The following EPS15 variants were observed in gnomAD, a reference collection of about 807,000 sequenced individuals.
EPS15 encodes epidermal growth factor receptor substrate 15.
EPS15 carries 72 observed loss-of-function variants against 113.8 expected under a neutral mutation model. The observed-to-expected ratio is 0.63, with a 90% CI of 0.52 to 0.77. The LOEUF (loss-of-function observed/expected upper bound fraction) is 0.77, where lower values mean the gene tolerates loss of function less well. EPS15 is among the 30% of genes least tolerant of loss of function. EPS15 has a pLI of 0.00. For missense variants in EPS15, 1,048 were observed against 1,045.8 expected (o/e 1.00, Z -0.03); for synonymous variants, 344 against 363.4 (o/e 0.95, Z 0.61).
chr1:51,389,009 C>T lies in EPS15; in HGVS notation c.2119+5372G>A, dbSNP rs141741261. Among the ~76,000 whole-genome samples the T allele has an allele frequency of 7.1e-3, 1,080 of 152,256 alleles. 7 individuals carry two copies. Among genetic ancestry groups the T allele is most frequent in the African/African-American group, 0.025 (1,037 of 41,540 alleles). ...CTGATACCAAAGCCAGGCAGAGATG[C>T]AACCAAAAAAGAGAATTTTAGACCA... On this transcript the variant is annotated intron_variant, in intron 21 of 24. Transcript: ENST00000371733.
In EPS15 at chr1:51,409,621, G is replaced by GTTC. The variant is rs1491328029; in HGVS notation, c.1186_1188dup (p.Glu396dup). The GTTC allele has an allele frequency of 1.2e-6, 2 of 1,613,742 alleles. No individual in the cohort carries two copies. Reference sequence around the variant, plus strand: ...TTCTGCTCATCCAGTTCATCAAGGAGTTCCTGTACCTGCTGTTTCTGGGCC... The same window carrying GTTC: ...TTCTGCTCATCCAGTTCATCAAGGAGTTCTTCCTGTACCTGCTGTTTCTGGGCC... On this transcript the variant is annotated inframe_insertion, in exon 14 of 25. Coordinates refer to ENST00000371733, the MANE Select transcript of EPS15 (RefSeq NM_001981.3).
intron 2 of EPS15, among the ~76,000 whole-genome samples, chr1:51,475,332 CTCTAACA>C (rs202173921): frequency 0.015 from 2,321 of 152,112 alleles, 17 homozygotes; most frequent in Middle Eastern, 0.024. Context: ...TCCACATCCT[CTCTAACA>C]TCTGTTTCCT....
intron 1 of EPS15, among the ~76,000 whole-genome samples, chr1:51,488,613 G>A (rs1247706996): frequency 6.6e-6 from 1 of 151,788 alleles, no homozygotes; most frequent in East Asian, 1.9e-4. Flanking sequence ...TTGGTTTTGA[G>A]ACAGGATCCC....
chr1:51,366,534 T>A (rs1570092985), intron 21 of EPS15, among the ~76,000 whole-genome samples: 1 of 152,170 alleles, frequency 6.6e-6, no homozygotes, highest in Non-Finnish European at 1.5e-5. Context: ...TGATGAATGA[T>A]TTATAGGTAA....
chr1:51,377,997 G>C (rs1646843610), intron 21 of EPS15, among the ~76,000 whole-genome samples: 1 of 150,964 alleles, frequency 6.6e-6, no homozygotes, highest in South Asian at 2.1e-4. Context: ...CTGGGTTCAA[G>C]CAATTCTCCT....
intron 13 of EPS15, among the ~76,000 whole-genome samples, chr1:51,421,253 A>C (rs1025948826): frequency 6.6e-6 from 1 of 152,172 alleles, no homozygotes; most frequent in Non-Finnish European, 1.5e-5. Context: ...TCTTTATGCC[A>C]AAGTTTAAGA....
At chr1:51,480,667 C>G (rs1644004521) in intron 2 of EPS15, among the ~76,000 whole-genome samples, 1 of 152,162 alleles carries the variant, frequency 6.6e-6, no homozygotes. Flanking sequence ...GCATGCACCA[C>G]CAAACCCAGC....
intron 1 of EPS15, among the ~76,000 whole-genome samples, chr1:51,508,312 AAGAG>A (rs759801299): frequency 0.027 from 3,386 of 126,552 alleles, 78 homozygotes; most frequent in Non-Finnish European, 0.037. Flanking sequence ...GAAAGAGAGA[AAGAG>A]AGAAAGAGAG....
chr1:51,409,166 C>T (rs1649442964), intron 14 of EPS15, among the ~76,000 whole-genome samples: 2 of 152,126 alleles, frequency 1.3e-5, no homozygotes, highest in Admixed American at 1.3e-4. Context: ...AGCAATTCCC[C>T]CCGCCTCAGA....
chr1:51,384,548 G>C (rs1202265667), intron 21 of EPS15, among the ~76,000 whole-genome samples: 1 of 151,748 alleles, frequency 6.6e-6, no homozygotes, highest in Admixed American at 6.6e-5. Flanking sequence ...TCATTGGCCA[G>C]GCTGGTCTTG....
intron 23 of EPS15, 22 bp downstream of exon 23, chr1:51,363,844 A>T: frequency 6.3e-7 from 1 of 1,592,624 alleles, no homozygotes; most frequent in Non-Finnish European, 8.5e-7. Context: ...AGTTGACTGA[A>T]GAAAAGTACC....
At chr1:51,361,038 G>T in intron 24 of EPS15, 133 bp downstream of exon 24, 1 of 685,194 alleles carries the variant, frequency 1.5e-6, no homozygotes, top group East Asian at 2.7e-5. Context: ...GTTTTGCTTG[G>T]GGGAAGAATG....
At position 51,361,272 on chromosome 1, in the gene EPS15, G is replaced by A; in HGVS notation, c.2443C>T (p.Pro815Ser). 6.2e-7 allele frequency: 1 copy of A among 1,613,670 alleles called. No individual in the cohort carries two copies. Among genetic ancestry groups the A allele is most frequent in the Non-Finnish European group, 8.5e-7 (1 of 1,179,644 alleles). ...PFQPFPGNDS[P>S]KEKDPEIFCD... ...AATATTTCAGGATCTTTTTCTTTGG[G>A]GCTATCGTTGCCTGGGAAAGGCTGA... Residue 815 changes from proline to serine, a missense_variant, in exon 24 of 25, where the codon CCC becomes TCC. Coordinates refer to ENST00000371733, the MANE Select transcript of EPS15 (RefSeq NM_001981.3).
chr1:51,439,593 T>C (rs1401279316), intron 12 of EPS15, among the ~76,000 whole-genome samples: 1 of 152,080 alleles, frequency 6.6e-6, no homozygotes, highest in African/African-American at 2.4e-5. Flanking sequence ...AGTATTACTA[T>C]AAAGTTTCCA....
intron 6 of EPS15, 23 bp from the exon 7 acceptor site, chr1:51,463,821 A>C: frequency 2.0e-6 from 3 of 1,478,070 alleles, no homozygotes; most frequent in Non-Finnish European, 2.8e-6. Context: ...ACAAAATCAC[A>C]AGTTAAATAA....
Position 51,463,672 on chromosome 1 carries a change from C to A in EPS15, c.501+1G>T. 6.4e-7 allele frequency: 1 copy of A among 1,569,376 alleles called. No individual in the cohort carries two copies. The highest frequency in any genetic ancestry group is 8.7e-7 in the Non-Finnish European group (1 of 1,146,648). On this transcript the variant is annotated splice_donor_variant, in intron 7 of 24. Coordinates refer to ENST00000371733, the MANE Select transcript of EPS15 (RefSeq NM_001981.3). LOFTEE classifies it high-confidence loss of function. ...ACATTTCGGAGTAAATAATATCTTACTCTTCCAAGGATATCCACAGGTAAC... is the reference window on the plus strand; with the variant it reads ...ACATTTCGGAGTAAATAATATCTTAATCTTCCAAGGATATCCACAGGTAAC...
At chr1:51,475,131 G>T (rs1445085990) in intron 2 of EPS15, among the ~76,000 whole-genome samples, 2 of 152,028 alleles carry the variant, frequency 1.3e-5, no homozygotes, top group Admixed American at 1.3e-4. Context: ...GAATAGTGCC[G>T]CAATAAACAT....
chr1:51,427,317 C>T (rs1313724561), intron 12 of EPS15, among the ~76,000 whole-genome samples: 1 of 152,202 alleles, frequency 6.6e-6, no homozygotes, highest in African/African-American at 2.4e-5. Flanking sequence ...AACTTATCTA[C>T]TTACTCAATA....
chr1:51,482,117 C>G (rs2148523990), intron 1 of EPS15, among the ~76,000 whole-genome samples: 1 of 152,222 alleles, frequency 6.6e-6, no homozygotes, highest in South Asian at 2.1e-4. Flanking sequence ...CTGCGGTGAG[C>G]TGTGACTCTG....
Sources: gnomAD v4.1 joint callset for allele counts (sites outside exome capture counted in the v4.1 genomes callset) on GRCh38, gnomAD v4.1.1 for gene constraint, MANE v1.5 for transcripts, NCBI Gene and HGNC (gene_info 2026-07-23, HGNC 2026-07-21) for gene names.